Variants in THSD4 observed in about 807,000 individuals in gnomAD.
The protein encoded by THSD4 is thrombospondin type-1 domain-containing protein 4.
A neutral mutation model predicts 119.0 loss-of-function variants in THSD4; 69 were observed. That is an observed-to-expected ratio of 0.58 (90% CI 0.48 to 0.71). The LOEUF (loss-of-function observed/expected upper bound fraction) is 0.71. THSD4 is among the 30% of genes least tolerant of loss of function. The pLI is 0.00. For synonymous variants in THSD4, 524 were observed against 540.4 expected, an observed-to-expected ratio of 0.97 and a Z score of 0.42; for missense variants, 1,393 against 1,391.1, an observed-to-expected ratio of 1.00 and a Z score of -0.02.
intron 4 of THSD4, among the ~76,000 whole-genome samples, chr15:71,240,110 A>C (rs1393496102): frequency 6.6e-6 from 1 of 152,196 alleles, no homozygotes; most frequent in Non-Finnish European, 1.5e-5. Flanking sequence ...AGGCAATATG[A>C]ATACAAAAAT....
At chr15:71,608,208 G>C (rs2050147385) in intron 7 of THSD4, among the ~76,000 whole-genome samples, 1 of 119,666 alleles carries the variant, frequency 8.4e-6, no homozygotes, top group Non-Finnish European at 1.6e-5. Flanking sequence ...GGGGGACAGA[G>C]CAAAACTCTG....
chr15:71,441,892 A>G (rs1409721473), intron 7 of THSD4, among the ~76,000 whole-genome samples: 1 of 152,204 alleles, frequency 6.6e-6, no homozygotes, highest in African/African-American at 2.4e-5. Flanking sequence ...GCCCTAGACA[A>G]TGCCTGGCAC....
chr15:71,399,001 C>T (rs1474973618), intron 6 of THSD4, among the ~76,000 whole-genome samples: 3 of 152,020 alleles, frequency 2.0e-5, no homozygotes, highest in Admixed American at 2.0e-4. Context: ...GGTGATCTGG[C>T]CTGCAGCAGG....
chr15:71,269,014 A>G (rs1446733671), intron 6 of THSD4, among the ~76,000 whole-genome samples: 2 of 152,192 alleles, frequency 1.3e-5, no homozygotes, highest in Non-Finnish European at 2.9e-5. Context: ...ACGGATTCAC[A>G]GGCAAATTCT....
chr15:71,402,533 G>A (rs1240239835), intron 6 of THSD4, among the ~76,000 whole-genome samples: 5 of 152,162 alleles, frequency 3.3e-5, no homozygotes, highest in Admixed American at 3.3e-4. Context: ...GGGGAAGTTG[G>A]GCTGTGATGC....
At chr15:71,104,841 A>C in intron 1 of THSD4, among the ~76,000 whole-genome samples, 1 of 152,222 alleles carries the variant, frequency 6.6e-6, no homozygotes, top group Non-Finnish European at 1.5e-5. Context: ...GAAAGTTTTA[A>C]GTTAAGATAA....
intron 6 of THSD4, among the ~76,000 whole-genome samples, chr15:71,385,515 G>A (rs1373938663): frequency 6.6e-6 from 1 of 152,188 alleles, no homozygotes; most frequent in Admixed American, 6.5e-5. Context: ...GACACAAAAA[G>A]GGAAGGATTG....
intron 3 of THSD4, among the ~76,000 whole-genome samples, chr15:71,158,332 T>C (rs981019427): frequency 5.3e-5 from 8 of 152,000 alleles, no homozygotes; most frequent in African/African-American, 1.9e-4. Context: ...TTTGTATTTT[T>C]AGTAGAGACG....
chr15:71,138,063 T>G (rs2040567485), intron 1 of THSD4, among the ~76,000 whole-genome samples: 1 of 152,280 alleles, frequency 6.6e-6, no homozygotes, highest in South Asian at 2.1e-4. Context: ...ACACAACCAC[T>G]GTATCAGTCT....
chr15:71,412,982 C>T (rs2046710090), intron 7 of THSD4, among the ~76,000 whole-genome samples: 2 of 152,004 alleles, frequency 1.3e-5, no homozygotes, highest in African/African-American at 4.8e-5. Flanking sequence ...AGGAACATTC[C>T]AGTGCTACTC....
In THSD4 at chr15:71,256,618, T is replaced by A; in HGVS notation, c.918T>A (p.Cys306Ter). 1 of 1,613,804 alleles carries A rather than the reference T, an allele frequency of 6.2e-7. No individual in the cohort carries two copies. Among genetic ancestry groups the A allele is most frequent in the Non-Finnish European group, 8.5e-7 (1 of 1,179,770 alleles). Residue 306 changes from cysteine (C) to a stop codon, truncating the protein, a stop_gained, in exon 6 of 18, where the codon TGT becomes TGA. Transcript: ENST00000261862. LOFTEE classifies it high-confidence loss of function. ...RQYKLCNTNVCPESSRSIREV... is the reference protein window; with the variant it reads ...RQYKLCNTNV ...TTTAATATCTGCTTTATTAGGTATG[T>A]CCAGAAAGCAGTAGAAGTATCCGGG... is the stretch of plus-strand genomic sequence containing the variant.
At chr15:71,501,613 AGT>A (rs1213124709) in intron 7 of THSD4, among the ~76,000 whole-genome samples, 1 of 152,242 alleles carries the variant, frequency 6.6e-6, no homozygotes, top group Non-Finnish European at 1.5e-5. Flanking sequence ...GGAATAATCC[AGT>A]GTCCTCTGAC....
chr15:71,777,121 A>G (rs1277131676), intron 17 of THSD4, 111 bp from the exon 18 acceptor site: 2 of 1,248,004 alleles, frequency 1.6e-6, no homozygotes, highest in East Asian at 2.3e-5. Context: ...CCACAATGGT[A>G]ATAAACAGCA....
intron 8 of THSD4, among the ~76,000 whole-genome samples, chr15:71,727,438 G>A (rs1309295840): frequency 6.6e-6 from 1 of 150,464 alleles, no homozygotes; most frequent in East Asian, 1.9e-4. Flanking sequence ...ACTAACACCT[G>A]TAATCCCAGC....
intron 7 of THSD4, among the ~76,000 whole-genome samples, chr15:71,659,806 G>A (rs1177570588): frequency 6.6e-6 from 1 of 152,186 alleles, no homozygotes; most frequent in East Asian, 1.9e-4. Context: ...AATGAGTAAT[G>A]GGAAGATTCC....
intron 7 of THSD4, among the ~76,000 whole-genome samples, chr15:71,501,691 G>A (rs188001244): frequency 6.6e-6 from 1 of 152,308 alleles, no homozygotes; most frequent in Non-Finnish European, 1.5e-5. Context: ...ATTTAAAAAT[G>A]CAAATAACTC....
intron 6 of THSD4, among the ~76,000 whole-genome samples, chr15:71,375,825 A>C (rs751984968): frequency 6.6e-6 from 1 of 152,280 alleles, no homozygotes; most frequent in Admixed American, 6.5e-5. Context: ...ATTGCATTCC[A>C]CACCTACTAA....
intron 7 of THSD4, among the ~76,000 whole-genome samples, chr15:71,539,193 CTG>C (rs2048725632): frequency 6.6e-6 from 1 of 152,244 alleles, no homozygotes; most frequent in Non-Finnish European, 1.5e-5. Context: ...TTTCCCACCT[CTG>C]TGGCTCTTTA....
chr15:71,647,126 T>C (rs569676013), intron 7 of THSD4, among the ~76,000 whole-genome samples: 1 of 152,244 alleles, frequency 6.6e-6, no homozygotes, highest in Non-Finnish European at 1.5e-5. Flanking sequence ...AAATTAAGAA[T>C]TTCAAGGTTC....
Sources: gnomAD v4.1 joint callset for allele counts (sites outside exome capture counted in the v4.1 genomes callset) on GRCh38, gnomAD v4.1.1 for gene constraint, MANE v1.5 for transcripts, NCBI Gene and HGNC (gene_info 2026-07-23, HGNC 2026-07-21) for gene names.